PRKCQ: variants seen among roughly 807,000 people sequenced by gnomAD.
PRKCQ encodes the protein protein kinase C theta type.
Under a neutral mutation model 91.2 loss-of-function variants are expected in PRKCQ, and 41 were observed. That is an observed-to-expected ratio of 0.45 (90% CI 0.35 to 0.58). PRKCQ has a LOEUF of 0.58. PRKCQ is among the 20% of genes least tolerant of loss of function. PRKCQ has a pLI of 0.00. For synonymous variants in PRKCQ, 307 were observed against 316.9 expected, an observed-to-expected ratio of 0.97 and a Z score of 0.33; for missense variants, 673 against 896.5, an observed-to-expected ratio of 0.75 and a Z score of 3.18.
At chr10:6,428,906 G>C (rs972934222) in intron 17 of PRKCQ, among the ~76,000 whole-genome samples, 2 of 152,132 alleles carry the variant, frequency 1.3e-5, no homozygotes, top group African/African-American at 4.8e-5. Flanking sequence ...GCACAGACTG[G>C]GACAGACTCC....
intron 15 of PRKCQ, among the ~76,000 whole-genome samples, chr10:6,452,477 C>T (rs80284582): frequency 5.3e-4 from 79 of 149,686 alleles, no homozygotes; most frequent in African/African-American, 1.7e-3. Context: ...GAATCAATAT[C>T]GTGAAAATGG....
chr10:6,523,047 C>T (rs1167629155), intron 1 of PRKCQ, among the ~76,000 whole-genome samples: 2 of 151,870 alleles, frequency 1.3e-5, no homozygotes, highest in Non-Finnish European at 2.9e-5. Flanking sequence ...AAAAAAATCA[C>T]ATAGTTGGGT....
chr10:6,449,875 G>T (rs1225025348), intron 15 of PRKCQ, among the ~76,000 whole-genome samples: 1 of 152,124 alleles, frequency 6.6e-6, no homozygotes, highest in African/African-American at 2.4e-5. Context: ...TTACAGACAA[G>T]AAAATGCTGA....
intron 14 of PRKCQ, among the ~76,000 whole-genome samples, chr10:6,459,630 G>A (rs61840398): frequency 0.099 from 15,000 of 152,260 alleles, 777 homozygotes; most frequent in Middle Eastern, 0.19. Context: ...GATTATCGAG[G>A]TGGGCCCTAA....
At chr10:6,512,123 C>T (rs1838507656) in intron 2 of PRKCQ, 2 of 152,216 alleles carry the variant, frequency 1.3e-5, no homozygotes, top group South Asian at 4.1e-4. Context: ...AATTTCAGCG[C>T]ATAATGAATG....
chr10:6,507,334 C>T, intron 4 of PRKCQ, 102 bp downstream of exon 4: 1 of 1,196,854 alleles, frequency 8.4e-7, no homozygotes, highest in African/African-American at 1.5e-5. Context: ...TCTCTTTTCT[C>T]CTGATTCTCT....
chr10:6,473,060 C>CT (rs1432589073), intron 12 of PRKCQ, among the ~76,000 whole-genome samples: 1 of 152,150 alleles, frequency 6.6e-6, no homozygotes, highest in Non-Finnish European at 1.5e-5. Flanking sequence ...TTACCTTTTC[C>CT]TTTTTTTGTC....
intron 1 of PRKCQ, among the ~76,000 whole-genome samples, chr10:6,554,994 T>C (rs1334889022): frequency 6.6e-6 from 1 of 152,206 alleles, no homozygotes; most frequent in East Asian, 1.9e-4. Flanking sequence ...TGATTGCAGC[T>C]AGAGGCTATG....
intron 1 of PRKCQ, 77 bp from the exon 2 acceptor site, chr10:6,515,221 C>A (rs1362116369): frequency 6.3e-7 from 1 of 1,596,258 alleles, no homozygotes; most frequent in South Asian, 1.1e-5. Flanking sequence ...TCTACTTAAC[C>A]AGTGCTTTAT....
At chr10:6,462,716 T>C (rs1208132566) in intron 13 of PRKCQ, among the ~76,000 whole-genome samples, 1 of 152,124 alleles carries the variant, frequency 6.6e-6, no homozygotes, top group Non-Finnish European at 1.5e-5. Flanking sequence ...TTAAAAGTAA[T>C]AGTATAGGCC....
chr10:6,424,810 C>T (rs1833078567), downstream of PRKCQ, among the ~76,000 whole-genome samples: 1 of 152,198 alleles, frequency 6.6e-6, no homozygotes, highest in African/African-American at 2.4e-5. Flanking sequence ...ACAGGGAGCT[C>T]TCAGCCAAAC....
intron 16 of PRKCQ, among the ~76,000 whole-genome samples, chr10:6,431,946 A>C (rs1833447837): frequency 6.6e-6 from 1 of 152,232 alleles, no homozygotes; most frequent in Admixed American, 6.5e-5. Context: ...GCAAGACAGG[A>C]AAGAAACTTG....
In PRKCQ at chr10:6,434,774, C is replaced by A. The variant is rs183772558; in HGVS notation, c.1837-3836G>T. Among the ~76,000 whole-genome samples the A allele has an allele frequency of 2.0e-3, 301 of 152,318 alleles. 3 individuals carry two copies. Among genetic ancestry groups the A allele is most frequent in the African/African-American group, 6.9e-3 (286 of 41,564 alleles). On this transcript the variant is annotated intron_variant, in intron 16 of 17. Transcript: ENST00000263125. ...TAGTGCTGACAGATTGTACCTGGAACCTGCCTTCCCTCTTCAGTCCCTCCT... is the reference window on the plus strand; with the variant it reads ...TAGTGCTGACAGATTGTACCTGGAAACTGCCTTCCCTCTTCAGTCCCTCCT...
Position 6,579,118 on chromosome 10 carries a change from T to C in PRKCQ, c.-10+1093A>G, listed in dbSNP as rs993806013. 7.2e-5 allele frequency among the ~76,000 whole-genome samples: 11 copies of C among 152,192 alleles called. 1 individual carries two copies. In the East Asian group the frequency reaches 1.9e-3, roughly 27 times the overall value. ...AAAGAAAAGGTCAAAGAGGCCGGAG[T>C]TGACAGAAAGCATGGGCGGACTTCT... On this transcript the variant is annotated intron_variant, in intron 1 of 17. Transcript: ENST00000263125.
intron 15 of PRKCQ, among the ~76,000 whole-genome samples, chr10:6,454,191 T>C (rs1834882464): frequency 6.6e-6 from 1 of 152,212 alleles, no homozygotes; most frequent in African/African-American, 2.4e-5. Flanking sequence ...GGTGACAATG[T>C]ATATGATTCA....
chr10:6,446,876 C>T (rs1010228845), intron 15 of PRKCQ, among the ~76,000 whole-genome samples: 6 of 152,280 alleles, frequency 3.9e-5, no homozygotes, highest in African/African-American at 7.2e-5. Flanking sequence ...TTTCACCGAA[C>T]GACGCCAGAG....
chr10:6,499,314 G>A (rs1255125487), intron 4 of PRKCQ, among the ~76,000 whole-genome samples: 2 of 152,170 alleles, frequency 1.3e-5, no homozygotes, highest in Non-Finnish European at 2.9e-5. Context: ...ATTGGTGAAA[G>A]TGCTTTGGAT....
At chr10:6,489,861 G>T (rs945848202) in intron 8 of PRKCQ, among the ~76,000 whole-genome samples, 1 of 152,052 alleles carries the variant, frequency 6.6e-6, no homozygotes, top group Non-Finnish European at 1.5e-5. Context: ...ATGAAATAAC[G>T]CCCAGGAACC....
At chr10:6,574,917 C>T (rs2130984293) in intron 1 of PRKCQ, among the ~76,000 whole-genome samples, 1 of 152,300 alleles carries the variant, frequency 6.6e-6, no homozygotes, top group South Asian at 2.1e-4. Flanking sequence ...AGCTCTGCGA[C>T]ACCCCAAATC....
Sources: gnomAD v4.1 joint callset for allele counts (sites outside exome capture counted in the v4.1 genomes callset) on GRCh38, gnomAD v4.1.1 for gene constraint, MANE v1.5 for transcripts, NCBI Gene and HGNC (gene_info 2026-07-23, HGNC 2026-07-21) for gene names.